PPP1R21: variants seen among roughly 807,000 people sequenced by gnomAD.
PPP1R21 encodes protein phosphatase 1 regulatory subunit 21.
In PPP1R21, 85 loss-of-function variants were observed where a neutral mutation model predicts 112.8. The ratio of observed to expected loss-of-function variants is 0.75; its 90% confidence interval spans 0.63 to 0.90. The LOEUF is 0.90. Ranked by LOEUF, PPP1R21 falls within the 40% of genes least tolerant of loss-of-function variation. PPP1R21 has a pLI of 0.00. For synonymous variants in PPP1R21, 381 were observed against 322.3 expected (o/e 1.18, Z -1.95); for missense variants, 1,199 against 901.5 (o/e 1.33, Z -4.23).
intron 9 of PPP1R21, among the ~76,000 whole-genome samples, chr2:48,469,488 C>CATATATATATATATATATAGAGCATAT (rs70943340): frequency 2.2e-5 from 1 of 44,762 alleles, no homozygotes; most frequent in Admixed American, 2.3e-4. Flanking sequence ...ATATATAGAG[C>CATATATATATATATATATAGAGCATAT]ATATATATAT....
At chr2:48,470,459 G>A (rs886149507) in intron 9 of PPP1R21, among the ~76,000 whole-genome samples, 3 of 150,806 alleles carry the variant, frequency 2.0e-5, no homozygotes, top group African/African-American at 7.3e-5. Flanking sequence ...GGCAGAGGTT[G>A]CAGTGAGCCA....
At chr2:48,499,788 C>T (rs1670021234) in intron 17 of PPP1R21, among the ~76,000 whole-genome samples, 1 of 152,116 alleles carries the variant, frequency 6.6e-6, no homozygotes, top group Admixed American at 6.6e-5. Flanking sequence ...AAGTGAAAAA[C>T]ATTTATATTG....
intron 9 of PPP1R21, among the ~76,000 whole-genome samples, chr2:48,468,829 A>ATGTGTGTGTGTGTGTG (rs113373775): frequency 3.5e-4 from 51 of 146,542 alleles, no homozygotes; most frequent in Middle Eastern, 3.5e-3. Flanking sequence ...AAAAAAATGT[A>ATGTGTGTGTGTGTGTG]TGTGTGTGTG....
At chr2:48,461,264 T>A (rs1035678444) in intron 7 of PPP1R21, 32 bp downstream of exon 7, 2 of 1,500,728 alleles carry the variant, frequency 1.3e-6, no homozygotes, top group Non-Finnish European at 1.8e-6. Flanking sequence ...CCATTATTTG[T>A]AACTTTGAAT....
Position 48,510,063 on chromosome 2 carries a change from G to T in PPP1R21, c.2134G>T (p.Ala712Ser), listed in dbSNP as rs773465448. 5 of 1,613,980 alleles carry T rather than the reference G, an allele frequency of 3.1e-6. No homozygotes were observed. The highest frequency in any genetic ancestry group is 4.2e-6 in the Non-Finnish European group (5 of 1,179,966). Residue 712 changes from alanine to serine, a missense_variant, in exon 20 of 22, where the codon GCA becomes TCA. Ala to Ser is a moderately conservative substitution (Grantham distance 99). Coordinates refer to ENST00000294952, the MANE Select transcript of PPP1R21 (RefSeq NM_001135629.3). ...GGCCTTGGCTGAAAAGTCTAAGGAA[G>T]CATTGACAGAAGAAATGAAACTTGC... is the stretch of plus-strand genomic sequence containing the variant. ...RLALAEKSKE[A>S]LTEEMKLASQ...
At chr2:48,492,839 C>T (rs1271971041) in intron 15 of PPP1R21, among the ~76,000 whole-genome samples, 1 of 151,944 alleles carries the variant, frequency 6.6e-6, no homozygotes, top group East Asian at 1.9e-4. Context: ...TATAGTTTGC[C>T]TGTAGTAGAA....
In PPP1R21 at chr2:48,479,373, A is replaced by G. The variant is rs1288224221; in HGVS notation, c.1226-551A>G. 1.2e-5 allele frequency: 5 copies of G among 418,264 alleles called. No homozygotes were observed. In the Admixed American group the frequency reaches 1.5e-4, roughly 13 times the overall value. 25.9% of individuals were successfully genotyped at this position (418,264 alleles called of 1,614,324 possible). On this transcript the variant is annotated intron_variant, in intron 12 of 21. Transcript: ENST00000294952. ...CTTGGTTTAAATACCGTAGCCTCTC[A>G]CTGTTATTACTGAGTTGTTACAGAT...
At chr2:48,492,059 A>G (rs1188681518) in intron 15 of PPP1R21, among the ~76,000 whole-genome samples, 2 of 152,182 alleles carry the variant, frequency 1.3e-5, no homozygotes. Context: ...GTTACAGTGG[A>G]GTGCTACAGT....
intron 9 of PPP1R21, among the ~76,000 whole-genome samples, chr2:48,469,185 T>C (rs1234689870): frequency 6.7e-6 from 1 of 149,092 alleles, no homozygotes; most frequent in East Asian, 2.0e-4. Flanking sequence ...TCCCACAACA[T>C]GTAGGAATTC....
intron 1 of PPP1R21, among the ~76,000 whole-genome samples, chr2:48,443,333 G>C (rs1667112291): frequency 6.6e-6 from 1 of 152,210 alleles, no homozygotes; most frequent in African/African-American, 2.4e-5. Flanking sequence ...AGATACAGTT[G>C]AGGAAGTTTA....
chr2:48,468,282 C>G (rs1319833332), intron 9 of PPP1R21, among the ~76,000 whole-genome samples: 2 of 152,202 alleles, frequency 1.3e-5, no homozygotes, highest in Admixed American at 6.5e-5. Flanking sequence ...AAGATTAGCT[C>G]TTAGGATCAT....
At chr2:48,486,076 C>T (rs2103917979) in intron 13 of PPP1R21, among the ~76,000 whole-genome samples, 1 of 151,338 alleles carries the variant, frequency 6.6e-6, no homozygotes, top group East Asian at 1.9e-4. Context: ...TTGTACTATT[C>T]TTGGACTGGA....
intron 13 of PPP1R21, among the ~76,000 whole-genome samples, chr2:48,482,457 G>A (rs918661456): frequency 1.3e-5 from 2 of 152,184 alleles, no homozygotes; most frequent in African/African-American, 2.4e-5. Context: ...GAAGGAATGT[G>A]TAAGTGGGTA....
At chr2:48,486,490 G>A in intron 13 of PPP1R21, 141 bp from the exon 14 acceptor site, 3 of 621,716 alleles carry the variant, frequency 4.8e-6, no homozygotes, top group Non-Finnish European at 8.4e-6. Context: ...GATACTCAGT[G>A]CAATCCTGAC....
At chr2:48,456,762 T>C (rs980552082) in intron 3 of PPP1R21, among the ~76,000 whole-genome samples, 1 of 152,154 alleles carries the variant, frequency 6.6e-6, no homozygotes, top group African/African-American at 2.4e-5. Context: ...TTTCAAGATA[T>C]ACATACCAGG....
intron 3 of PPP1R21, 134 bp downstream of exon 3, chr2:48,454,875 T>C (rs964328378): frequency 2.9e-6 from 2 of 687,348 alleles, no homozygotes; most frequent in Non-Finnish European, 5.1e-6. Context: ...GGTCTTGCTC[T>C]GCCACCCATG....
intron 21 of PPP1R21, among the ~76,000 whole-genome samples, chr2:48,513,424 G>C (rs1670728242): frequency 6.6e-6 from 1 of 150,702 alleles, no homozygotes; most frequent in Non-Finnish European, 1.5e-5. Context: ...TGCTCAGGCT[G>C]GTCTCAAACT....
intron 9 of PPP1R21, among the ~76,000 whole-genome samples, chr2:48,466,122 A>G (rs938662496): frequency 6.6e-6 from 1 of 152,228 alleles, no homozygotes; most frequent in Non-Finnish European, 1.5e-5. Flanking sequence ...GTCATCTCCC[A>G]CTGGGTCCCT....
chr2:48,459,014 C>T (rs112141284), intron 4 of PPP1R21, among the ~76,000 whole-genome samples: 11,225 of 150,930 alleles, frequency 0.074, 595 homozygotes, highest in Non-Finnish European at 0.11. Context: ...ATGGCGTGAA[C>T]CCGGGAGGCG....
Sources: allele counts gnomAD v4.1 joint callset (sites outside exome capture counted in the v4.1 genomes callset), GRCh38; gene constraint gnomAD v4.1.1; transcripts MANE v1.5; gene names NCBI Gene and HGNC (gene_info 2026-07-23, HGNC 2026-07-21).